The following HADHA variants were observed in gnomAD, a reference collection of about 807,000 sequenced individuals.
HADHA encodes hydroxyacyl-CoA dehydrogenase trifunctional multienzyme complex subunit alpha, also known as trifunctional enzyme subunit alpha, mitochondrial.
Under a neutral mutation model 91.3 loss-of-function variants are expected in HADHA, and 59 were observed. The observed-to-expected ratio is 0.65, with a 90% CI of 0.52 to 0.80. The LOEUF is 0.80. Ranked by LOEUF, HADHA falls within the 30% of genes least tolerant of loss-of-function variation. The pLI, the probability that HADHA is intolerant of heterozygous loss-of-function variation, is 0.00. For synonymous variants in HADHA, 320 were observed against 338.9 expected (o/e 0.94, Z 0.61); for missense variants, 800 against 927.6 (o/e 0.86, Z 1.79).
intron 3 of HADHA, among the ~76,000 whole-genome samples, chr2:26,237,555 G>A (rs1383209450): frequency 1.3e-5 from 2 of 152,128 alleles, no homozygotes; most frequent in Non-Finnish European, 2.9e-5. Context: ...TGAGCCTGGG[G>A]AGGCTGAAGC....
At chr2:26,220,515 A>G (rs886748058) in intron 7 of HADHA, among the ~76,000 whole-genome samples, 2 of 152,356 alleles carry the variant, frequency 1.3e-5, no homozygotes, top group African/African-American at 2.4e-5. Context: ...TACTCTGGAC[A>G]GTGCAGAAAA....
At chr2:26,216,317 AT>A (rs11406704) in intron 7 of HADHA, among the ~76,000 whole-genome samples, 349 of 110,164 alleles carry the variant, frequency 3.2e-3, no homozygotes, top group African/African-American at 0.011. Context: ...CATTTGACCT[AT>A]TTTTTTTTTT....
chr2:26,233,923 A>C (rs1014613535), intron 5 of HADHA, among the ~76,000 whole-genome samples: 7 of 152,180 alleles, frequency 4.6e-5, no homozygotes, highest in African/African-American at 1.7e-4. Flanking sequence ...TCTACTAAAA[A>C]TACAAAAATT....
chr2:26,214,693 A>C lies in HADHA; in HGVS notation c.800-132T>G. 1.5e-6 allele frequency: 1 copy of C among 681,226 alleles called. No homozygotes were observed. Among genetic ancestry groups the C allele is most frequent in the Non-Finnish European group, 2.6e-6 (1 of 380,400 alleles). 42.2% of individuals were successfully genotyped at this position (681,226 alleles called of 1,614,324 possible). A position where few individuals can be genotyped will look rare whatever the true frequency, so the allele number is the denominator to read the frequency against. On this transcript the variant is annotated intron_variant, in intron 8 of 19. Coordinates refer to ENST00000380649, the MANE Select transcript of HADHA (RefSeq NM_000182.5). The surrounding 1 kb of genome is among the most constrained non-coding windows in gnomAD (Gnocchi z 4.1). Reference sequence around the variant, plus strand: ...AACTGCTCTTTATTCTGATACACACAATATAAATTTCAACCTAAGCACTAC... The same window carrying C: ...AACTGCTCTTTATTCTGATACACACCATATAAATTTCAACCTAAGCACTAC...
chr2:26,220,785 T>A (rs1670355155), intron 7 of HADHA, among the ~76,000 whole-genome samples: 1 of 152,222 alleles, frequency 6.6e-6, no homozygotes, highest in Non-Finnish European at 1.5e-5. Context: ...CAACCATATA[T>A]CATAATTTAG....
In HADHA at chr2:26,234,203, T is replaced by A. The variant is rs1670692795; in HGVS notation, c.453+14A>T. On this transcript the variant is annotated intron_variant, in intron 5 of 19. Coordinates refer to ENST00000380649, the MANE Select transcript of HADHA (RefSeq NM_000182.5). The stretch of plus-strand genomic sequence containing the variant: ...GAGTTGGACAGTGTCTCAATAACTT[T>A]AGAATATCTATACCTCAAGTCCTCC... 1 of 1,611,372 alleles carries A rather than the reference T, an allele frequency of 6.2e-7. No homozygotes were observed. Among genetic ancestry groups the A allele is most frequent in the Non-Finnish European group, 8.5e-7 (1 of 1,177,450 alleles).
intron 7 of HADHA, among the ~76,000 whole-genome samples, chr2:26,222,711 T>C (rs1231982283): frequency 6.6e-6 from 1 of 152,152 alleles, no homozygotes; most frequent in African/African-American, 2.4e-5. Context: ...CATTATGGTA[T>C]CCCACAAAGC....
chr2:26,197,773 A>C lies in HADHA; in HGVS notation c.1397T>G (p.Ile466Ser). The C allele has an allele frequency of 6.8e-7, 1 of 1,474,430 alleles. No homozygotes were observed. The highest frequency in any genetic ancestry group is 9.5e-7 in the Non-Finnish European group (1 of 1,052,278). 91.3% of individuals were successfully genotyped at this position (1,474,430 alleles called of 1,614,324 possible). ...ACTGGCAAAGATACAGTGATCTGGA[A>C]TCACCTGCAGGGGAAAAGCATTTAA... ...HRVLKEVEAV[I>S]PDHCIFASNT... is the part of the protein sequence containing the mutation. The change falls in exon 14 of 20, where the codon ATT becomes AGT. Residue 466 changes from isoleucine to serine, a missense_variant. Ile to Ser is a moderately radical substitution (Grantham distance 142, BLOSUM62 -2). Coordinates refer to ENST00000380649, the MANE Select transcript of HADHA (RefSeq NM_000182.5).
rs558203668 is a variant in HADHA at position 26,219,533 on chromosome 2, A to C, written c.677-4358T>G. Among the ~76,000 whole-genome samples, 17 of 152,368 alleles carry C rather than the reference A, an allele frequency of 1.1e-4. No homozygotes were observed. In the South Asian group the frequency reaches 3.5e-3, roughly 32 times the overall value. On this transcript the variant is annotated intron_variant, in intron 7 of 19. Coordinates refer to ENST00000380649, the MANE Select transcript of HADHA (RefSeq NM_000182.5). ...GGACGCACCCTTCACCACCACTGTGAGAAATCAATTTGTGAGGTGAGGCCC... is the reference window on the plus strand; with the variant it reads ...GGACGCACCCTTCACCACCACTGTGCGAAATCAATTTGTGAGGTGAGGCCC...
chr2:26,239,644 C>T (rs1157749972), intron 1 of HADHA, among the ~76,000 whole-genome samples: 2 of 151,772 alleles, frequency 1.3e-5, no homozygotes, highest in Non-Finnish European at 2.9e-5. Context: ...TTCTCTTTAT[C>T]CCCCAGTTCC....
intron 12 of HADHA, among the ~76,000 whole-genome samples, chr2:26,203,361 T>C (rs1669892403): frequency 6.6e-6 from 1 of 152,168 alleles, no homozygotes; most frequent in African/African-American, 2.4e-5. Context: ...AGAAAACTGA[T>C]CAAACCAACC....
intron 12 of HADHA, among the ~76,000 whole-genome samples, chr2:26,203,607 C>A (rs1264693462): frequency 6.6e-6 from 1 of 152,206 alleles, no homozygotes; most frequent in Non-Finnish European, 1.5e-5. Context: ...CCGGCCCTGC[C>A]TTCCCCCTGC....
intron 11 of HADHA, 82 bp from the exon 12 acceptor site, chr2:26,204,278 A>T (rs1669922780): frequency 8.2e-7 from 1 of 1,221,534 alleles, no homozygotes; most frequent in Non-Finnish European, 1.2e-6. Flanking sequence ...AAGTTATTCA[A>T]TAAACCAACT....
Position 26,191,643 on chromosome 2 carries a change from A to C in HADHA, c.2001-15T>G. On this transcript the variant is annotated splice_polypyrimidine_tract_variant and intron_variant, in intron 18 of 19. Coordinates refer to ENST00000380649, the MANE Select transcript of HADHA (RefSeq NM_000182.5). Reference sequence around the variant, plus strand: ...CGTCTGATGAGCTGCCAACAGAAAGAGATGTTTAGGTAGAAGAAGAGGAAA... The same window carrying C: ...CGTCTGATGAGCTGCCAACAGAAAGCGATGTTTAGGTAGAAGAAGAGGAAA... 6.2e-7 allele frequency: 1 copy of C among 1,613,762 alleles called. No homozygotes were observed. Among genetic ancestry groups the C allele is most frequent in the Non-Finnish European group, 8.5e-7 (1 of 1,179,772 alleles).
rs1669530829 is a variant in HADHA at position 26,192,316 on chromosome 2, G to C, written c.1994C>G (p.Ser665Cys). Residue 665 changes from serine to cysteine, a missense_variant, in exon 18 of 20, where the codon TCT becomes TGT. Coordinates refer to ENST00000380649, the MANE Select transcript of HADHA (RefSeq NM_000182.5). ...GCCACTCAAACGGACTTACACTTCA[G>C]ACTTAGGAGGCAGCTTCAGACTCGC... The part of the protein sequence containing the change: ...ILASLKLPPK[S>C]EVSSDEDIQF... The C allele has an allele frequency of 1.9e-6, 3 of 1,553,452 alleles. No homozygotes were observed. In the South Asian group the frequency reaches 3.3e-5, roughly 17 times the overall value.
At chr2:26,244,115 G>A (rs1671005523) in intron 1 of HADHA, among the ~76,000 whole-genome samples, 1 of 152,248 alleles carries the variant, frequency 6.6e-6, no homozygotes, top group Non-Finnish European at 1.5e-5. Context: ...CGCTTGTTGC[G>A]GGGTAAGGTG....
chr2:26,241,833 T>A (rs1182108332), intron 1 of HADHA, among the ~76,000 whole-genome samples: 2 of 152,210 alleles, frequency 1.3e-5, no homozygotes, highest in Admixed American at 6.5e-5. Flanking sequence ...AGAAGTGATT[T>A]TCATTTGATA....
intron 17 of HADHA, 102 bp downstream of exon 17, chr2:26,193,475 G>A (rs1330650993): frequency 4.0e-6 from 4 of 1,006,790 alleles, no homozygotes; most frequent in Non-Finnish European, 6.4e-6. Flanking sequence ...TCTGTGTTTA[G>A]AAAACTTTCT....
chr2:26,193,898 C>T, intron 16 of HADHA, 126 bp from the exon 17 acceptor site: 1 of 735,804 alleles, frequency 1.4e-6, no homozygotes, highest in Non-Finnish European at 2.4e-6. Flanking sequence ...TGACCAGGCC[C>T]AGGACTGGTG....
Sources: allele counts gnomAD v4.1 joint callset (sites outside exome capture counted in the v4.1 genomes callset), GRCh38; gene constraint gnomAD v4.1.1; non-coding constraint Gnocchi (gnomAD v3.1); transcripts MANE v1.5; gene names NCBI Gene and HGNC (gene_info 2026-07-23, HGNC 2026-07-21).